The following FREM1 variants were observed in gnomAD, a reference collection of about 807,000 sequenced individuals.
FREM1 encodes FRAS1 related extracellular matrix 1.
FREM1 carries 220 observed loss-of-function variants against 210.1 expected under a neutral mutation model. That is an observed-to-expected ratio of 1.05 (90% CI 0.94 to 1.17). FREM1 has a LOEUF of 1.17. FREM1 is among the 50% of genes most tolerant of loss of function. The probability of loss-of-function intolerance (pLI) is 0.00; values close to 1 mark genes in which losing one functional copy is unlikely to be tolerated. For missense variants in FREM1, 3,454 were observed against 2,675.5 expected (o/e 1.29, Z -6.42); for synonymous variants, 1,189 against 980.2 (o/e 1.21, Z -3.98).
chr9:14,840,547 C>G (rs947141848), intron 10 of FREM1, among the ~76,000 whole-genome samples: 1 of 152,154 alleles, frequency 6.6e-6, no homozygotes, highest in Non-Finnish European at 1.5e-5. Context: ...CATCAGATCC[C>G]GTGAGACTTA....
intron 1 of FREM1, among the ~76,000 whole-genome samples, chr9:14,895,840 A>C (rs1475896471): frequency 6.6e-6 from 1 of 151,960 alleles, no homozygotes; most frequent in Non-Finnish European, 1.5e-5. Flanking sequence ...CATCACCCCT[A>C]TTCAGCCTGA....
intron 1 of FREM1, among the ~76,000 whole-genome samples, chr9:14,871,913 A>T (rs1832752319): frequency 6.6e-6 from 1 of 152,186 alleles, no homozygotes; most frequent in Non-Finnish European, 1.5e-5. Context: ...CCATTCATTA[A>T]ATAGGGAATC....
intron 10 of FREM1, among the ~76,000 whole-genome samples, chr9:14,837,554 C>A (rs748566058): frequency 3.9e-5 from 6 of 152,136 alleles, no homozygotes; most frequent in Admixed American, 3.3e-4. Context: ...ACAAAGAACA[C>A]ATTGGAGAAT....
chr9:14,808,257 TA>T (rs1818736356), intron 16 of FREM1, 123 bp from the exon 17 acceptor site: 2 of 603,138 alleles, frequency 3.3e-6, no homozygotes, highest in Non-Finnish European at 5.4e-6. Context: ...GTGGATAAAA[TA>T]AATGTAAAAC....
chr9:14,793,719 T>C (rs895614528), intron 21 of FREM1, among the ~76,000 whole-genome samples: 2 of 152,216 alleles, frequency 1.3e-5, no homozygotes, highest in African/African-American at 4.8e-5. Flanking sequence ...AAAATTGGGA[T>C]GCCTGAATTT....
chr9:14,867,039 T>C (rs920092789), intron 2 of FREM1, among the ~76,000 whole-genome samples: 4 of 152,240 alleles, frequency 2.6e-5, no homozygotes, highest in Middle Eastern at 6.8e-3. Flanking sequence ...TTTGTATTTT[T>C]AGTAGAGATG....
intron 1 of FREM1, among the ~76,000 whole-genome samples, chr9:14,903,988 G>A (rs918456928): frequency 2.0e-5 from 3 of 151,988 alleles, no homozygotes; most frequent in African/African-American, 2.4e-5. Flanking sequence ...TGGGCGTGGT[G>A]GCAGGCGCCT....
At chr9:14,799,099 G>C (rs1853023879) in intron 20 of FREM1, among the ~76,000 whole-genome samples, 1 of 152,128 alleles carries the variant, frequency 6.6e-6, no homozygotes, top group African/African-American at 2.4e-5. Flanking sequence ...GACAACACAG[G>C]GAGACCCTGT....
At chr9:14,821,864 T>C (rs746377022) in intron 13 of FREM1, among the ~76,000 whole-genome samples, 1 of 152,216 alleles carries the variant, frequency 6.6e-6, no homozygotes, top group Non-Finnish European at 1.5e-5. Flanking sequence ...TGGAAAATCT[T>C]CTGATCTTTA....
At chr9:14,848,562 A>C in intron 7 of FREM1, 103 bp downstream of exon 7, 1 of 539,548 alleles carries the variant, frequency 1.9e-6, no homozygotes, top group Non-Finnish European at 3.3e-6. Flanking sequence ...TTCAGTTGCC[A>C]CATGTATGAC....
intron 10 of FREM1, among the ~76,000 whole-genome samples, chr9:14,825,581 T>C (rs965575929): frequency 8.6e-6 from 1 of 116,928 alleles, no homozygotes; most frequent in African/African-American, 3.3e-5. Flanking sequence ...ACCACAATTA[T>C]AGTGAATCCA....
At chr9:14,802,234 G>A (rs1817424426) in intron 19 of FREM1, among the ~76,000 whole-genome samples, 1 of 152,236 alleles carries the variant, frequency 6.6e-6, no homozygotes, top group Non-Finnish European at 1.5e-5. Flanking sequence ...TTGTAAAACT[G>A]AATCTAGAAC....
chr9:14,791,378 AT>A, intron 22 of FREM1, among the ~76,000 whole-genome samples: 1 of 152,194 alleles, frequency 6.6e-6, no homozygotes. Context: ...TTTGCTTTCC[AT>A]TAAAGCATCT....
chr9:14,804,886 T>C (rs1307875425), intron 19 of FREM1, 70 bp downstream of exon 19: 2 of 1,197,504 alleles, frequency 1.7e-6, no homozygotes, highest in Admixed American at 1.7e-5. Context: ...TGGAGCAATG[T>C]AAATGGACTA....
At chr9:14,834,119 A>G (rs1481036402) in intron 10 of FREM1, among the ~76,000 whole-genome samples, 1 of 152,258 alleles carries the variant, frequency 6.6e-6, no homozygotes, top group African/African-American at 2.4e-5. Flanking sequence ...AACTAGGTAG[A>G]AAATACACTG....
At chr9:14,895,117 G>C (rs1253606881) in intron 1 of FREM1, among the ~76,000 whole-genome samples, 1 of 152,188 alleles carries the variant, frequency 6.6e-6, no homozygotes, top group Non-Finnish European at 1.5e-5. Flanking sequence ...AGGTATTTGA[G>C]GGTACAAACC....
chr9:14,825,535 A>ATG (rs1237770928), intron 10 of FREM1, among the ~76,000 whole-genome samples: 1,893 of 108,680 alleles, frequency 0.017, 71 homozygotes, highest in African/African-American at 0.035. Context: ...ATATATATAT[A>ATG]TGTGTGTGTG....
At chr9:14,757,374 G>T (rs1844600840) in intron 28 of FREM1, among the ~76,000 whole-genome samples, 1 of 152,150 alleles carries the variant, frequency 6.6e-6, no homozygotes, top group Non-Finnish European at 1.5e-5. Context: ...GGCCAACATG[G>T]TGAAACCCCG....
intron 27 of FREM1, among the ~76,000 whole-genome samples, chr9:14,768,415 G>T (rs1198812148): frequency 6.6e-6 from 1 of 151,350 alleles, no homozygotes; most frequent in Non-Finnish European, 1.5e-5. Context: ...TTGTGATCCT[G>T]GGAATTATTT....
Sources: gnomAD v4.1 joint callset for allele counts (sites outside exome capture counted in the v4.1 genomes callset) on GRCh38, gnomAD v4.1.1 for gene constraint, MANE v1.5 for transcripts, NCBI Gene and HGNC (gene_info 2026-07-23, HGNC 2026-07-21) for gene names.